Variants in ZC3HAV1L observed in about 807,000 individuals in gnomAD.
The protein encoded by ZC3HAV1L is zinc finger CCCH-type antiviral protein 1-like.
In ZC3HAV1L, 23 loss-of-function variants were observed where a neutral mutation model predicts 28.2. The observed-to-expected ratio is 0.82, with a 90% CI of 0.59 to 1.16. The LOEUF is 1.16. ZC3HAV1L is among the 50% of genes most tolerant of loss of function. ZC3HAV1L has a pLI of 0.00. For missense variants in ZC3HAV1L, 376 were observed against 387.7 expected, an observed-to-expected ratio of 0.97 and a Z score of 0.25; for synonymous variants, 180 against 163.4, an observed-to-expected ratio of 1.10 and a Z score of -0.78.
intron 3 of ZC3HAV1L, among the ~76,000 whole-genome samples, 174 bp downstream of exon 3, chr7:139,028,528 T>G (rs1310876634): frequency 6.6e-6 from 1 of 152,156 alleles, no homozygotes; most frequent in African/African-American, 2.4e-5. Context: ...AGGATCACCG[T>G]TCTATACAAT....
At chr7:139,028,559 C>T in intron 3 of ZC3HAV1L, 143 bp downstream of exon 3, 1 of 1,150,776 alleles carries the variant, frequency 8.7e-7, no homozygotes, top group Non-Finnish European at 1.2e-6. Context: ...CTGTTCTAAA[C>T]TTTCCCAAGA....
In ZC3HAV1L at chr7:139,035,849, G is replaced by A. The variant is rs1291546793; in HGVS notation, c.169C>T (p.Gln57Ter). ...ERFLLQEVET[Q>*]EGLGDAEAEA... The stretch of plus-strand genomic sequence containing the variant: ...GCCTCCGCGTCCCCGAGGCCCTCCT[G>A]CGTCTCCACCTCCTGCAGCAGGAAA... Residue 57 changes from glutamine to a stop codon, truncating the protein, a stop_gained, in exon 1 of 5, where the codon CAG becomes TAG. Transcript: ENST00000275766. LOFTEE classifies it high-confidence loss of function. 2.7e-6 allele frequency: 4 copies of A among 1,502,272 alleles called. No individual in the cohort carries two copies. The highest frequency in any genetic ancestry group is 2.5e-5 in the South Asian group (2 of 80,436). The allele number at this position is 1,502,272 out of a possible 1,614,324, so 93.1% of individuals were successfully genotyped here.
At chr7:139,033,028 T>C (rs7804434) in intron 2 of ZC3HAV1L, among the ~76,000 whole-genome samples, 73,588 of 151,564 alleles carry the variant, frequency 0.49, 18,319 homozygotes, top group Non-Finnish European at 0.52. Flanking sequence ...GCCAACATGG[T>C]GAAACGCTAT....
At chr7:139,029,697 T>C (rs1222012939) in intron 2 of ZC3HAV1L, among the ~76,000 whole-genome samples, 2 of 152,092 alleles carry the variant, frequency 1.3e-5, no homozygotes, top group Non-Finnish European at 2.9e-5. Context: ...CTTCCCTCTC[T>C]CCCACACTGG....
intron 2 of ZC3HAV1L, among the ~76,000 whole-genome samples, chr7:139,030,099 T>C (rs1409308539): frequency 6.6e-6 from 1 of 152,158 alleles, no homozygotes; most frequent in African/African-American, 2.4e-5. Context: ...CCCAGGCAAA[T>C]GGGCTGCTGA....
intron 2 of ZC3HAV1L, among the ~76,000 whole-genome samples, chr7:139,030,828 T>C (rs538059151): frequency 0.012 from 1,237 of 100,452 alleles, 14 homozygotes; most frequent in African/African-American, 0.044. Context: ...CAAAAAATAA[T>C]AATAATTAAT....
At chr7:139,028,422 A>G (rs1257196716) in intron 3 of ZC3HAV1L, among the ~76,000 whole-genome samples, 2 of 151,798 alleles carry the variant, frequency 1.3e-5, no homozygotes, top group African/African-American at 4.8e-5. Context: ...CTGACATCCA[A>G]TTTACCAACA....
chr7:139,022,557 GAGA>G (rs763330897), downstream of ZC3HAV1L: 5 of 194,488 alleles, frequency 2.6e-5, no homozygotes, highest in Admixed American at 5.5e-5. Context: ...AAAAACGTCG[GAGA>G]AGGAGGAAAA....
rs1260239448 is a variant in ZC3HAV1L at position 139,035,735 on chromosome 7, G to C, written c.283C>G (p.Gln95Glu). Residue 95 changes from glutamine (Q) to glutamate (E), a missense_variant, in exon 1 of 5, where the codon CAG (glutamine) becomes GAG (glutamate). Coordinates refer to ENST00000275766, the MANE Select transcript of ZC3HAV1L (RefSeq NM_080660.4). Reference protein sequence around the residue: ...VSSVRLCARYQRGECQACDQL... With the variant: ...VSSVRLCARYERGECQACDQL... ...TCGCAGGCCTGGCACTCGCCGCGCT[G>C]GTAGCGGGCGCAGAGGCGCACAGAG... 2 of 1,489,010 alleles carry C rather than the reference G, an allele frequency of 1.3e-6. No individual in the cohort carries two copies. Among genetic ancestry groups the C allele is most frequent in the Non-Finnish European group, 1.8e-6 (2 of 1,128,352 alleles). 92.2% of individuals were successfully genotyped at this position (1,489,010 alleles called of 1,614,324 possible).
chr7:139,028,898 G>C lies in ZC3HAV1L; in HGVS notation c.564C>G (p.Cys188Trp). The C allele has an allele frequency of 6.2e-7, 1 of 1,614,186 alleles. No individual in the cohort carries two copies. The highest frequency in any genetic ancestry group is 8.5e-7 in the Non-Finnish European group (1 of 1,180,032). Residue 188 changes from cysteine (C) to tryptophan (W), a missense_variant, in exon 3 of 5, where the codon TGC becomes TGG. Cys to Trp is a radical substitution (Grantham distance 215). Transcript: ENST00000275766. ...AGGATTTGCACACATGAAACTTGTTGCATTTATCCTTGAGGTTGCAGTAGC... is the reference window on the plus strand; with the variant it reads ...AGGATTTGCACACATGAAACTTGTTCCATTTATCCTTGAGGTTGCAGTAGC... ...LYGYCNLKDK[C>W]NKFHVCKSFV...
At chr7:139,027,528 A>C (rs1815390850) in intron 3 of ZC3HAV1L, among the ~76,000 whole-genome samples, 1 of 152,170 alleles carries the variant, frequency 6.6e-6, no homozygotes, top group African/African-American at 2.4e-5. Context: ...AATTTTAAAA[A>C]ATAGCTGGAC....
chr7:139,023,831 T>G (rs1815294531), downstream of ZC3HAV1L, among the ~76,000 whole-genome samples: 1 of 152,004 alleles, frequency 6.6e-6, no homozygotes, highest in South Asian at 2.1e-4. Flanking sequence ...ATGATGAGGG[T>G]TTGAAACAAG....
chr7:139,034,766 T>C (rs1584823448), intron 1 of ZC3HAV1L, 88 bp from the exon 2 acceptor site: 1 of 1,533,288 alleles, frequency 6.5e-7, no homozygotes, highest in Middle Eastern at 1.9e-4. Context: ...TCAATGTATT[T>C]AATACATGTG....
chr7:139,035,728 C>T lies in ZC3HAV1L; in HGVS notation c.290G>A (p.Gly97Asp), dbSNP rs776856943. The change falls in exon 1 of 5, where the codon GGC becomes GAC. Residue 97 changes from glycine to aspartate, a missense_variant. Coordinates refer to ENST00000275766, the MANE Select transcript of ZC3HAV1L (RefSeq NM_080660.4). ...CAGCTGGTCGCAGGCCTGGCACTCGCCGCGCTGGTAGCGGGCGCAGAGGCG... is the reference window on the plus strand; with the variant it reads ...CAGCTGGTCGCAGGCCTGGCACTCGTCGCGCTGGTAGCGGGCGCAGAGGCG... ...SVRLCARYQR[G>D]ECQACDQLHF... The T allele has an allele frequency of 2.7e-6, 4 of 1,487,984 alleles. No individual in the cohort carries two copies. The highest frequency in any genetic ancestry group is 3.5e-6 in the Non-Finnish European group (4 of 1,127,858). 92.2% of individuals were successfully genotyped at this position (1,487,984 alleles called of 1,614,324 possible). A position where few individuals can be genotyped will look rare whatever the true frequency, so the allele number is the denominator to read the frequency against.
intron 1 of ZC3HAV1L, 137 bp downstream of exon 1, chr7:139,035,489 CGCGGGGGAGGACGCCCAGGAAAGGCCT>C (rs1815678491): frequency 1.0e-6 from 1 of 985,294 alleles, no homozygotes; most frequent in African/African-American, 1.7e-5. Flanking sequence ...CTGCTGGAAG[CGCGGGGGAGGACGCCCAGGAAAGGCCT>C]GCGGGAGGGG....
At chr7:139,035,476 C>G in intron 1 of ZC3HAV1L, 177 bp downstream of exon 1, 1 of 985,432 alleles carries the variant, frequency 1.0e-6, no homozygotes, top group Non-Finnish European at 1.2e-6. Flanking sequence ...CCTTTCCGCC[C>G]AGCTGCTGGA....
intron 1 of ZC3HAV1L, 99 bp downstream of exon 1, chr7:139,035,554 G>A: frequency 2.2e-6 from 3 of 1,334,454 alleles, no homozygotes; most frequent in Non-Finnish European, 2.9e-6. Flanking sequence ...CCCCGGCCCG[G>A]GGCAGGACGA....
intron 2 of ZC3HAV1L, chr7:139,034,114 G>A: frequency 1.0e-6 from 1 of 985,420 alleles, no homozygotes; most frequent in Non-Finnish European, 1.2e-6. Context: ...CTCTAGTCTT[G>A]TGGCTATCTT....
Position 139,035,966 on chromosome 7 carries a change from C to A in ZC3HAV1L, c.52G>T (p.Gly18Cys), listed in dbSNP as rs1815702882. 3 of 1,522,026 alleles carry A rather than the reference C, an allele frequency of 2.0e-6. No homozygotes were observed. In the African/African-American group the frequency reaches 4.3e-5, roughly 22 times the overall value. The allele number at this position is 1,522,026 out of a possible 1,614,324, so 94.3% of individuals were successfully genotyped here. A position where few individuals can be genotyped will look rare whatever the true frequency, so the allele number is the denominator to read the frequency against. Residue 18 changes from glycine to cysteine, a missense_variant, in exon 1 of 5, where the codon GGC becomes TGC. Coordinates refer to ENST00000275766, the MANE Select transcript of ZC3HAV1L (RefSeq NM_080660.4). ...AGGTCCTTCAGGAACATGCGGCCGC[C>A]GTGGGCGCACAGCACCTTGGTGAGG... ...SFLTKVLCAH[G>C]GRMFLKDLRG...
Sources: allele counts gnomAD v4.1 joint callset (sites outside exome capture counted in the v4.1 genomes callset), GRCh38; gene constraint gnomAD v4.1.1; transcripts MANE v1.5; gene names NCBI Gene and HGNC (gene_info 2026-07-23, HGNC 2026-07-21).